Variants in ZNF804A observed in about 807,000 individuals in gnomAD.
ZNF804A encodes zinc finger protein 804A.
A neutral mutation model predicts 16.5 loss-of-function variants in ZNF804A; 2 were observed. The ratio of observed to expected loss-of-function variants is 0.12; its 90% CI spans 0.05 to 0.38. The LOEUF (loss-of-function observed/expected upper bound fraction) is 0.38. Among genes scored for constraint, ZNF804A ranks in the 10% least tolerant of loss-of-function variants. The pLI, the probability that ZNF804A is intolerant of heterozygous loss-of-function variation, is 0.99. For synonymous variants in ZNF804A, 534 were observed against 489.6 expected (o/e 1.09, Z -1.20); for missense variants, 1,473 against 1,390.7 (o/e 1.06, Z -0.94).
chr2:184,870,534 C>A (rs918825056), intron 2 of ZNF804A, among the ~76,000 whole-genome samples: 1 of 151,924 alleles, frequency 6.6e-6, no homozygotes, highest in Non-Finnish European at 1.5e-5. Flanking sequence ...TCTGCTAACT[C>A]AAATATATAG....
chr2:184,932,533 T>G (rs1242341679), intron 2 of ZNF804A, among the ~76,000 whole-genome samples: 1 of 152,080 alleles, frequency 6.6e-6, no homozygotes, highest in African/African-American at 2.4e-5. Context: ...CATGATTCAA[T>G]TACCTCCCAC....
At chr2:184,756,050 A>G (rs2105760973) in intron 1 of ZNF804A, among the ~76,000 whole-genome samples, 1 of 152,116 alleles carries the variant, frequency 6.6e-6, no homozygotes, top group African/African-American at 2.4e-5. Flanking sequence ...ACAAGTAAAT[A>G]TTGGCTCAGG....
intron 1 of ZNF804A, among the ~76,000 whole-genome samples, chr2:184,786,810 A>C (rs1393236398): frequency 1.3e-5 from 2 of 151,944 alleles, no homozygotes; most frequent in Non-Finnish European, 1.5e-5. Flanking sequence ...CATAATTCCT[A>C]ATGTATTTCT....
At chr2:184,934,077 T>G (rs948670165) in intron 3 of ZNF804A, among the ~76,000 whole-genome samples, 1 of 152,104 alleles carries the variant, frequency 6.6e-6, no homozygotes, top group Non-Finnish European at 1.5e-5. Flanking sequence ...TTATGACCCT[T>G]TTAACAAAAA....
chr2:184,747,414 CA>C (rs1276594253), intron 1 of ZNF804A, among the ~76,000 whole-genome samples: 1 of 147,922 alleles, frequency 6.8e-6, no homozygotes, highest in African/African-American at 2.5e-5. Flanking sequence ...GTATTTTGCT[CA>C]TTTTTTAAAC....
intron 2 of ZNF804A, among the ~76,000 whole-genome samples, chr2:184,900,052 A>AAAAT (rs1685153426): frequency 6.6e-6 from 1 of 152,156 alleles, no homozygotes; most frequent in Non-Finnish European, 1.5e-5. Flanking sequence ...ATTCAGTTTT[A>AAAAT]AAATAAATAG....
intron 1 of ZNF804A, among the ~76,000 whole-genome samples, chr2:184,850,334 CATA>C (rs1412500873): frequency 4.0e-5 from 6 of 151,692 alleles, no homozygotes; most frequent in Non-Finnish European, 5.9e-5. Flanking sequence ...CATGTGTACC[CATA>C]ATAATTAAAA....
At chr2:184,929,587 A>G (rs1186097787) in intron 2 of ZNF804A, among the ~76,000 whole-genome samples, 3 of 152,130 alleles carry the variant, frequency 2.0e-5, no homozygotes, top group African/African-American at 7.2e-5. Context: ...TTTGTTGACT[A>G]GAGCTTTTCT....
intron 1 of ZNF804A, among the ~76,000 whole-genome samples, chr2:184,819,017 C>T (rs768572790): frequency 1.3e-5 from 2 of 151,820 alleles, no homozygotes; most frequent in Non-Finnish European, 2.9e-5. Flanking sequence ...AGAAAATTAA[C>T]GAAGATATTA....
At chr2:184,804,055 G>A (rs1222209769) in intron 1 of ZNF804A, among the ~76,000 whole-genome samples, 3 of 151,872 alleles carry the variant, frequency 2.0e-5, no homozygotes, top group East Asian at 3.9e-4. Flanking sequence ...TAGTAGAGAC[G>A]GAGTTTCACC....
At chr2:184,909,348 T>G (rs1221142293) in intron 2 of ZNF804A, among the ~76,000 whole-genome samples, 1 of 152,054 alleles carries the variant, frequency 6.6e-6, no homozygotes, top group African/African-American at 2.4e-5. Context: ...TAAAATAATT[T>G]TAAGCTTATT....
intron 1 of ZNF804A, among the ~76,000 whole-genome samples, chr2:184,804,948 A>G (rs1244760377): frequency 6.6e-6 from 1 of 152,186 alleles, no homozygotes; most frequent in Admixed American, 6.5e-5. Flanking sequence ...TGTTAAAATC[A>G]TATTTCTATG....
intron 1 of ZNF804A, among the ~76,000 whole-genome samples, chr2:184,687,607 G>A (rs916865733): frequency 6.6e-6 from 1 of 152,178 alleles, no homozygotes; most frequent in Non-Finnish European, 1.5e-5. Flanking sequence ...ATTACTGATG[G>A]CTGAGAGAAG....
intron 1 of ZNF804A, among the ~76,000 whole-genome samples, chr2:184,862,890 A>T (rs185969609): frequency 6.4e-4 from 98 of 152,250 alleles, no homozygotes; most frequent in African/African-American, 2.3e-3. Flanking sequence ...ACAATAAAAA[A>T]TGATTGTGGT....
At chr2:184,767,161 G>A (rs1191192454) in intron 1 of ZNF804A, among the ~76,000 whole-genome samples, 2 of 152,124 alleles carry the variant, frequency 1.3e-5, no homozygotes, top group East Asian at 3.9e-4. Context: ...CCAGTTGATA[G>A]TATTTTGTTA....
intron 2 of ZNF804A, among the ~76,000 whole-genome samples, chr2:184,868,562 G>T (rs935759640): frequency 3.3e-5 from 5 of 151,948 alleles, no homozygotes; most frequent in Non-Finnish European, 2.9e-5. Flanking sequence ...AAAAATGTAG[G>T]GATTGTTCAG....
At chr2:184,832,177 G>C (rs1695272214) in intron 1 of ZNF804A, among the ~76,000 whole-genome samples, 1 of 151,902 alleles carries the variant, frequency 6.6e-6, no homozygotes, top group African/African-American at 2.4e-5. Context: ...TCCATAAGAA[G>C]CTATCGAAGG....
At chr2:184,864,637 A>G (rs1695848083) in intron 1 of ZNF804A, among the ~76,000 whole-genome samples, 1 of 152,202 alleles carries the variant, frequency 6.6e-6, no homozygotes, top group Non-Finnish European at 1.5e-5. Flanking sequence ...ATGAATATAC[A>G]GTGCAATAAC....
chr2:184,819,013 T>C (rs1251963249), intron 1 of ZNF804A, among the ~76,000 whole-genome samples: 3 of 151,452 alleles, frequency 2.0e-5, no homozygotes, highest in African/African-American at 7.3e-5. Context: ...AGACAGAAAA[T>C]TAACGAAGAT....
Sources: gnomAD v4.1 joint callset for allele counts (sites outside exome capture counted in the v4.1 genomes callset) on GRCh38, gnomAD v4.1.1 for gene constraint, MANE v1.5 for transcripts, NCBI Gene and HGNC (gene_info 2026-07-23, HGNC 2026-07-21) for gene names.